The following PTPRD variants were observed in gnomAD, a reference collection of about 807,000 sequenced individuals.
The protein encoded by PTPRD is receptor-type tyrosine-protein phosphatase delta.
In PTPRD, 34 loss-of-function variants were observed where a neutral mutation model predicts 214.5. The observed-to-expected ratio is 0.16, with a 90% confidence interval of 0.12 to 0.21. The LOEUF (loss-of-function observed/expected upper bound fraction) is 0.21. PTPRD is among the 10% of genes least tolerant of loss of function. The probability of loss-of-function intolerance (pLI) is 1.00; values close to 1 mark genes in which losing one functional copy is unlikely to be tolerated. For synonymous variants in PTPRD, 1,128 were observed against 845.7 expected, an observed-to-expected ratio of 1.33 and a Z score of -5.79; for missense variants, 2,545 against 2,398.7, an observed-to-expected ratio of 1.06 and a Z score of -1.27.
chr9:8,879,863 A>C (rs533015181), intron 11 of PTPRD, among the ~76,000 whole-genome samples: 3 of 152,098 alleles, frequency 2.0e-5, no homozygotes, highest in Non-Finnish European at 4.4e-5. Context: ...AGCACCCCAC[A>C]CGTGTTTCTA....
intron 6 of PTPRD, among the ~76,000 whole-genome samples, chr9:9,743,326 C>A (rs1344284109): frequency 3.3e-5 from 5 of 152,130 alleles, no homozygotes; most frequent in Non-Finnish European, 5.9e-5. Context: ...TCTGACTTTA[C>A]TGCTTTTTAG....
intron 8 of PTPRD, among the ~76,000 whole-genome samples, chr9:9,421,781 C>A (rs115604879): frequency 6.6e-6 from 1 of 152,058 alleles, no homozygotes; most frequent in Non-Finnish European, 1.5e-5. Context: ...GGATTTGACA[C>A]TGGCGTCTCA....
intron 7 of PTPRD, among the ~76,000 whole-genome samples, chr9:9,713,334 T>G (rs1418670281): frequency 2.0e-5 from 3 of 152,142 alleles, no homozygotes; most frequent in African/African-American, 7.2e-5. Context: ...TCTAATGAGT[T>G]AGGAATGATT....
At chr9:10,477,736 C>T (rs1473378260) in intron 2 of PTPRD, among the ~76,000 whole-genome samples, 1 of 152,008 alleles carries the variant, frequency 6.6e-6, no homozygotes, top group African/African-American at 2.4e-5. Flanking sequence ...AACCCAAATG[C>T]CCATCAGTGA....
intron 11 of PTPRD, among the ~76,000 whole-genome samples, chr9:9,003,471 A>C (rs1395578948): frequency 6.6e-6 from 1 of 151,964 alleles, no homozygotes; most frequent in African/African-American, 2.4e-5. Flanking sequence ...ACACATTTTG[A>C]ATATGGTTTT....
At chr9:9,424,073 T>A (rs1275940649) in intron 8 of PTPRD, among the ~76,000 whole-genome samples, 1 of 152,206 alleles carries the variant, frequency 6.6e-6, no homozygotes, top group Admixed American at 6.5e-5. Flanking sequence ...CAAGGCTGCA[T>A]TCCATCTTGG....
intron 7 of PTPRD, among the ~76,000 whole-genome samples, chr9:9,672,250 C>A (rs574176258): frequency 2.0e-5 from 3 of 152,064 alleles, no homozygotes; most frequent in Non-Finnish European, 4.4e-5. Context: ...TTAGCAAATT[C>A]TATCATCTAA....
At chr9:10,482,110 G>A (rs531112117) in intron 2 of PTPRD, among the ~76,000 whole-genome samples, 51 of 152,256 alleles carry the variant, frequency 3.3e-4, no homozygotes, top group Non-Finnish European at 5.9e-4. Flanking sequence ...GGTGGCTCAC[G>A]CCTGTAATCC....
At chr9:8,958,819 T>C (rs1230532842) in intron 11 of PTPRD, 14 of 151,870 alleles carry the variant, frequency 9.2e-5, no homozygotes, top group Admixed American at 8.6e-4. Context: ...ATAACCACAA[T>C]GGAAAAGGAC....
intron 4 of PTPRD, among the ~76,000 whole-genome samples, chr9:9,946,188 A>G (rs529631942): frequency 6.6e-6 from 1 of 152,130 alleles, no homozygotes; most frequent in Non-Finnish European, 1.5e-5. Context: ...CTTCTTCACT[A>G]GATTGCAAGC....
intron 18 of PTPRD, 86 bp from the exon 19 acceptor site, chr9:8,523,610 CA>C (rs2097936314): frequency 6.9e-7 from 1 of 1,444,202 alleles, no homozygotes; most frequent in African/African-American, 1.4e-5. Context: ...GTAAAAAGGC[CA>C]TATCAAGGCT....
chr9:8,917,141 T>A (rs1318137182), intron 11 of PTPRD, among the ~76,000 whole-genome samples: 5 of 151,122 alleles, frequency 3.3e-5, no homozygotes, highest in Non-Finnish European at 7.4e-5. Flanking sequence ...TCTTCTTTTT[T>A]TTTTTTTTAG....
chr9:9,238,316 G>T (rs551609144), intron 9 of PTPRD, among the ~76,000 whole-genome samples: 30 of 152,146 alleles, frequency 2.0e-4, no homozygotes, highest in African/African-American at 7.2e-4. Flanking sequence ...TGACCTTTGG[G>T]TTTGCAGTGG....
intron 3 of PTPRD, among the ~76,000 whole-genome samples, chr9:10,221,453 T>C (rs1197172193): frequency 7.2e-5 from 11 of 152,050 alleles, no homozygotes; most frequent in Non-Finnish European, 1.0e-4. Flanking sequence ...TTCATTTGTA[T>C]TGTCAATAAA....
intron 11 of PTPRD, among the ~76,000 whole-genome samples, chr9:9,013,150 G>GT (rs1326410954): frequency 3.3e-5 from 5 of 151,480 alleles, no homozygotes; most frequent in Admixed American, 1.3e-4. Context: ...TTTTTTTTCT[G>GT]TTTTTTGTTT....
chr9:9,974,094 T>G (rs1439969882), intron 4 of PTPRD, among the ~76,000 whole-genome samples: 2 of 152,184 alleles, frequency 1.3e-5, no homozygotes, highest in African/African-American at 4.8e-5. Context: ...CAGCTAGAAT[T>G]AGGCTTGCTC....
chr9:8,713,048 A>C (rs992494877), intron 12 of PTPRD, among the ~76,000 whole-genome samples: 2 of 152,166 alleles, frequency 1.3e-5, no homozygotes, highest in African/African-American at 4.8e-5. Flanking sequence ...AAATCTCAAA[A>C]TAAAAATCTC....
At chr9:9,716,060 G>A (rs1003666767) in intron 7 of PTPRD, among the ~76,000 whole-genome samples, 2 of 149,608 alleles carry the variant, frequency 1.3e-5, no homozygotes, top group African/African-American at 2.5e-5. Flanking sequence ...GTGTCCATGT[G>A]ATCTCATTGT....
intron 7 of PTPRD, among the ~76,000 whole-genome samples, chr9:9,620,321 T>G (rs1365532952): frequency 1.3e-5 from 2 of 150,732 alleles, no homozygotes; most frequent in African/African-American, 5.0e-5. Context: ...CTATGCCAAA[T>G]TGTTCTTTAA....
Sources: gnomAD v4.1 joint callset for allele counts (sites outside exome capture counted in the v4.1 genomes callset) on GRCh38, gnomAD v4.1.1 for gene constraint, MANE v1.5 for transcripts, NCBI Gene and HGNC (gene_info 2026-07-23, HGNC 2026-07-21) for gene names.